The following SCARB1 variants were observed in gnomAD, a reference collection of about 807,000 sequenced individuals.
SCARB1 encodes CD36 and LIMPII analogous 1.
Under a neutral mutation model 57.2 loss-of-function variants are expected in SCARB1, and 30 were observed. That is an observed-to-expected ratio of 0.52 (90% CI 0.39 to 0.71). The LOEUF (loss-of-function observed/expected upper bound fraction) is 0.71, where lower values mean the gene tolerates loss of function less well. SCARB1 is among the 30% of genes least tolerant of loss of function. SCARB1 has a pLI of 0.00. For synonymous variants in SCARB1, 249 were observed against 268.3 expected (o/e 0.93, Z 0.70); for missense variants, 543 against 671.2 (o/e 0.81, Z 2.11).
At chr12:124,823,259 A>C (rs1211332541) in intron 1 of SCARB1, among the ~76,000 whole-genome samples, 1 of 152,234 alleles carries the variant, frequency 6.6e-6, no homozygotes, top group Admixed American at 6.5e-5. Flanking sequence ...GCTACACTTC[A>C]CTAAAACCCT....
At chr12:124,834,340 G>A (rs1951540279) in intron 1 of SCARB1, among the ~76,000 whole-genome samples, 1 of 152,234 alleles carries the variant, frequency 6.6e-6, no homozygotes, top group South Asian at 2.1e-4. Context: ...ACCGGTGCCA[G>A]TCCCTTGTGC....
chr12:124,805,789 C>T (rs976413178), intron 7 of SCARB1, among the ~76,000 whole-genome samples: 2 of 133,194 alleles, frequency 1.5e-5, no homozygotes, highest in Non-Finnish European at 3.1e-5. Flanking sequence ...AGGCTGGTCT[C>T]GAACTCTTGG....
chr12:124,807,654 A>ATT lies in SCARB1; in HGVS notation c.1009+106_1009+107insAA. On this transcript the variant is annotated intron_variant, in intron 7 of 12. Transcript: ENST00000261693. The surrounding 1 kb of genome is among the most constrained non-coding windows in gnomAD (Gnocchi z 5.3). ...ATTATCTTCGCCTAATGGGATTATCAAGAGTACAGAGGCCAGAGATTAAGC... is the reference window on the plus strand; with the variant it reads ...ATTATCTTCGCCTAATGGGATTATCATTAGAGTACAGAGGCCAGAGATTAAGC... 1 of 1,084,524 alleles carries ATT rather than the reference A, an allele frequency of 9.2e-7. No homozygotes were observed. The highest frequency in any genetic ancestry group is 1.4e-6 in the Non-Finnish European group (1 of 732,622). The allele number at this position is 1,084,524 out of a possible 1,614,324, so 67.2% of individuals were successfully genotyped here.
At chr12:124,835,038 C>A (rs1160955264) in intron 1 of SCARB1, among the ~76,000 whole-genome samples, 1 of 152,174 alleles carries the variant, frequency 6.6e-6, no homozygotes, top group Non-Finnish European at 1.5e-5. Context: ...GCCTGGTGAT[C>A]CGTGTTTTAG....
At chr12:124,846,442 C>T (rs1300557074) in intron 1 of SCARB1, among the ~76,000 whole-genome samples, 1 of 152,008 alleles carries the variant, frequency 6.6e-6, no homozygotes, top group Admixed American at 6.6e-5. Flanking sequence ...ACACAGTCAC[C>T]GGCATCAGGG....
chr12:124,792,029 G>A (rs1192987312), intron 9 of SCARB1, among the ~76,000 whole-genome samples: 2 of 151,820 alleles, frequency 1.3e-5, no homozygotes, highest in Admixed American at 6.6e-5. Context: ...GTAGGGTATT[G>A]CACAGTGAAA....
intron 12 of SCARB1, among the ~76,000 whole-genome samples, chr12:124,778,806 C>T (rs868207814): frequency 1.3e-5 from 2 of 152,134 alleles, no homozygotes; most frequent in Non-Finnish European, 2.9e-5. Context: ...TCCCCGACCT[C>T]CTTTAGAGAT....
chr12:124,847,054 G>A (rs531746724), intron 1 of SCARB1, among the ~76,000 whole-genome samples: 10 of 152,194 alleles, frequency 6.6e-5, no homozygotes, highest in Non-Finnish European at 1.3e-4. Context: ...CAGGGGCTTC[G>A]GGGCAGATGA....
chr12:124,785,289 C>A (rs745439580), intron 11 of SCARB1: 3 of 152,634 alleles, frequency 2.0e-5, no homozygotes, highest in Non-Finnish European at 4.4e-5. Context: ...AAACTGCTCA[C>A]TGTGCACCAC....
At chr12:124,831,386 G>T (rs1419295882) in intron 1 of SCARB1, among the ~76,000 whole-genome samples, 1 of 152,136 alleles carries the variant, frequency 6.6e-6, no homozygotes, top group Admixed American at 6.5e-5. Context: ...CAAAGTGCTG[G>T]GATTACAGAC....
chr12:124,829,854 TC>T (rs1452616308), intron 1 of SCARB1, among the ~76,000 whole-genome samples: 6 of 152,138 alleles, frequency 3.9e-5, no homozygotes, highest in Non-Finnish European at 8.8e-5. Flanking sequence ...AAGCAGCCCT[TC>T]CCCCATCACA....
rs187831231 is a variant in SCARB1, at chr12:124,814,309, T to C, written c.523A>G (p.Thr175Ala). The change falls in exon 4 of 13, where the codon ACT becomes GCT. Residue 175 changes from threonine (T) to alanine (A), a missense_variant. Thr to Ala is a moderately conservative substitution (Grantham distance 58). Transcript: ENST00000261693. The surrounding 1 kb of genome is among the most constrained non-coding windows in gnomAD (Gnocchi z 4.7). ...TAGCCCCACATGATCTCACCCACAG[T>C]GCGGTTCATGAAGGCACGTTCGCCG... Reference protein sequence around the residue: ...TLGERAFMNRTVGEIMWGYKD... With the variant: ...TLGERAFMNRAVGEIMWGYKD... The C allele has an allele frequency of 2.1e-4, 343 of 1,614,186 alleles. No homozygotes were observed. Among genetic ancestry groups the C allele is most frequent in the Non-Finnish European group, 2.7e-4 (315 of 1,180,020 alleles).
intron 1 of SCARB1, among the ~76,000 whole-genome samples, chr12:124,823,450 G>T (rs913755498): frequency 6.6e-6 from 1 of 152,172 alleles, no homozygotes; most frequent in East Asian, 1.9e-4. Flanking sequence ...CACCCACCAG[G>T]ATGGCTAGAA....
At chr12:124,799,037 G>A (rs1222504467) in intron 8 of SCARB1, among the ~76,000 whole-genome samples, 1 of 152,144 alleles carries the variant, frequency 6.6e-6, no homozygotes, top group East Asian at 1.9e-4. Context: ...AGTGACTAGA[G>A]TGAATAGCAA....
chr12:124,806,535 G>A (rs1473487083), intron 7 of SCARB1, among the ~76,000 whole-genome samples: 1 of 152,182 alleles, frequency 6.6e-6, no homozygotes, highest in Non-Finnish European at 1.5e-5. Context: ...CTAAGCCCCA[G>A]AACCCATGAC....
chr12:124,791,980 C>G (rs1949749860), intron 9 of SCARB1, among the ~76,000 whole-genome samples: 1 of 151,770 alleles, frequency 6.6e-6, no homozygotes, highest in Admixed American at 6.6e-5. Flanking sequence ...TGAAATCCCC[C>G]AATCACAATT....
At chr12:124,842,957 AG>A (rs1394003237) in intron 1 of SCARB1, among the ~76,000 whole-genome samples, 1 of 152,216 alleles carries the variant, frequency 6.6e-6, no homozygotes, top group Non-Finnish European at 1.5e-5. Context: ...ACGGACGGGA[AG>A]GATACGGGTG....
Position 124,863,005 on chromosome 12 carries a change from G to A in SCARB1, c.126+590C>T, listed in dbSNP as rs79481850. The stretch of plus-strand genomic sequence containing the variant: ...GACTGAATCATGGAGGCAGTGAGCA[G>A]GGAGAACAGAGTCGCGCATTCTGCC... On this transcript the variant is annotated intron_variant, in intron 1 of 12. Transcript: ENST00000261693. 8.7e-3 allele frequency among the ~76,000 whole-genome samples: 1,325 copies of A among 152,332 alleles called. 36 individuals carry two copies. The East Asian group carries it at 0.11, about 12-fold the overall frequency.
At chr12:124,841,481 CA>C (rs1158202606) in intron 1 of SCARB1, among the ~76,000 whole-genome samples, 6,815 of 107,812 alleles carry the variant, frequency 0.063, 463 homozygotes, top group African/African-American at 0.2. Flanking sequence ...GACTCTGTCT[CA>C]AAAAAAAAAA....
Sources: gnomAD v4.1 joint callset for allele counts (sites outside exome capture counted in the v4.1 genomes callset) on GRCh38, gnomAD v4.1.1 for gene constraint, Gnocchi (gnomAD v3.1) non-coding constraint, MANE v1.5 for transcripts, NCBI Gene and HGNC (gene_info 2026-07-23, HGNC 2026-07-21) for gene names.